The following ARID4B variants were observed in gnomAD, a reference collection of about 807,000 sequenced individuals.
ARID4B encodes AT-rich interactive domain-containing protein 4B.
A neutral mutation model predicts 147.5 loss-of-function variants in ARID4B; 26 were observed. The observed-to-expected ratio is 0.18, with a 90% CI of 0.13 to 0.24. ARID4B has a LOEUF of 0.24. Among genes scored for constraint, ARID4B ranks in the 10% least tolerant of loss-of-function variants. The pLI is 1.00. For missense variants in ARID4B, 1,179 were observed against 1,511.5 expected (o/e 0.78, Z 3.65); for synonymous variants, 512 against 507.9 (o/e 1.01, Z -0.11).
intron 2 of ARID4B, among the ~76,000 whole-genome samples, chr1:235,304,288 C>T (rs532211713): frequency 6.4e-4 from 98 of 152,138 alleles, no homozygotes; most frequent in Non-Finnish European, 1.2e-3. Context: ...GTGGAGGCTG[C>T]AGTGAGCCAA....
At chr1:235,203,789 A>C (rs1311778535) in intron 17 of ARID4B, among the ~76,000 whole-genome samples, 7 of 152,294 alleles carry the variant, frequency 4.6e-5, no homozygotes, top group African/African-American at 1.7e-4. Flanking sequence ...AAAGTATGAC[A>C]AAATAATAGA....
chr1:235,268,794 T>G (rs1461782853), intron 2 of ARID4B, among the ~76,000 whole-genome samples: 2 of 152,162 alleles, frequency 1.3e-5, no homozygotes, highest in East Asian at 3.9e-4. Context: ...TCTAAATAAC[T>G]CTCTCCATTA....
intron 23 of ARID4B, among the ~76,000 whole-genome samples, chr1:235,170,655 G>A (rs544943352): frequency 6.6e-6 from 1 of 151,874 alleles, no homozygotes; most frequent in East Asian, 1.9e-4. Context: ...GGAGAATGGC[G>A]TGAACCCGGG....
intron 17 of ARID4B, among the ~76,000 whole-genome samples, chr1:235,197,539 G>A (rs770533494): frequency 1.8e-4 from 27 of 152,160 alleles, no homozygotes; most frequent in Non-Finnish European, 3.8e-4. Context: ...TTTATATGCT[G>A]GAAGATGCTG....
rs1338489134 is a variant in ARID4B at position 235,168,571 on chromosome 1, G to A, written c.3893C>T (p.Ser1298Leu). ...TCCATTTTGTGATGCGCTGGACATT[G>A]ACGGTTCAGCTAAAGTTAACATAAC... ...AAVMLTLAEP[S>L]MSSASQNGMS... is the part of the protein sequence containing the mutation. Residue 1298 changes from serine (S) to leucine (L), a missense_variant, in exon 24 of 24, where the codon TCA becomes TTA. By Grantham distance (145) the Ser-to-Leu change is moderately radical. This residue lies in a region of ARID4B where 357 missense variants were observed against 427.3 expected (regional missense o/e 0.84). Coordinates refer to ENST00000264183, the MANE Select transcript of ARID4B (RefSeq NM_016374.6). 1 of 1,614,072 alleles carries A rather than the reference G, an allele frequency of 6.2e-7. No homozygotes were observed. The highest frequency in any genetic ancestry group is 1.7e-5 in the Admixed American group (1 of 59,992).
At chr1:235,173,020 A>G (rs542433031) in intron 22 of ARID4B, among the ~76,000 whole-genome samples, 107 of 152,326 alleles carry the variant, frequency 7.0e-4, no homozygotes, top group African/African-American at 2.3e-3. Context: ...ACATCCATAT[A>G]CAGTATTACC....
intron 2 of ARID4B, among the ~76,000 whole-genome samples, chr1:235,320,035 G>T (rs1041318197): frequency 6.6e-6 from 1 of 152,018 alleles, no homozygotes; most frequent in Non-Finnish European, 1.5e-5. Flanking sequence ...GCTGAGGCAG[G>T]AGAATCGCTT....
At chr1:235,219,037 T>C (rs1324194992) in intron 16 of ARID4B, among the ~76,000 whole-genome samples, 1 of 152,022 alleles carries the variant, frequency 6.6e-6, no homozygotes, top group African/African-American at 2.4e-5. Flanking sequence ...GACTTCTTTG[T>C]ATTTTTAGAA....
chr1:235,257,057 T>C (rs958833001), intron 4 of ARID4B, 103 bp downstream of exon 4: 2 of 803,842 alleles, frequency 2.5e-6, no homozygotes. Context: ...AAATTACATA[T>C]TGAATTTATC....
rs181123321 is a variant in ARID4B, at chr1:235,236,201, G to T, written c.586-1709C>A. Among the ~76,000 whole-genome samples the T allele has an allele frequency of 2.0e-5, 3 of 152,098 alleles. No homozygotes were observed. The East Asian group carries it at 5.8e-4, about 29-fold the overall frequency. On this transcript the variant is annotated intron_variant, in intron 8 of 23. Transcript: ENST00000264183. ...TTGTGCGATTATATCAAGATTGGTC[G>T]ATTTAGAACATAATTTTTCACTCTA...
At chr1:235,168,779 T>A in intron 23 of ARID4B, 127 bp from the exon 24 acceptor site, 1 of 973,824 alleles carries the variant, frequency 1.0e-6, no homozygotes, top group Non-Finnish European at 1.5e-6. Context: ...ACAACAACAG[T>A]GGTCAATTCT....
In ARID4B at chr1:235,213,933, G is replaced by A; in HGVS notation, c.1677C>T (p.Asp559=). Residue 559 remains aspartate (D), a synonymous_variant, in exon 17 of 24, where the codon GAC becomes GAT. Transcript: ENST00000264183. ...EEEEEDEDDD[D]NNEEEEFECY... is the part of the protein sequence containing the mutation. Reference sequence around the variant, plus strand: ...ACTCAAACTCCTCTTCCTCATTGTTGTCATCATCATCTTCATCCTCTTCTT... The same window carrying A: ...ACTCAAACTCCTCTTCCTCATTGTTATCATCATCATCTTCATCCTCTTCTT... 6.2e-7 allele frequency: 1 copy of A among 1,612,478 alleles called. No homozygotes were observed. The highest frequency in any genetic ancestry group is 1.1e-5 in the South Asian group (1 of 91,048).
intron 3 of ARID4B, among the ~76,000 whole-genome samples, chr1:235,258,135 A>G (rs1397851386): frequency 1.3e-5 from 2 of 152,146 alleles, no homozygotes; most frequent in Non-Finnish European, 2.9e-5. Context: ...AGATGGGACC[A>G]GCCTGGTTAA....
At chr1:235,283,619 T>C (rs781566518) in intron 2 of ARID4B, among the ~76,000 whole-genome samples, 1 of 152,044 alleles carries the variant, frequency 6.6e-6, no homozygotes, top group Non-Finnish European at 1.5e-5. Context: ...AAATTATTAA[T>C]ATTAAGTACT....
intron 11 of ARID4B, among the ~76,000 whole-genome samples, chr1:235,227,081 T>C (rs10495362): frequency 0.47 from 70,841 of 151,866 alleles, 16,843 homozygotes; most frequent in South Asian, 0.6. Flanking sequence ...GTTCTGAAAA[T>C]TGAACAGGAA....
rs2103022049 is a variant in ARID4B at position 235,219,834 on chromosome 1, G to A, written c.1542C>T (p.Leu514=). The A allele has an allele frequency of 6.2e-7, 1 of 1,601,894 alleles. No homozygotes were observed. Among genetic ancestry groups the A allele is most frequent in the East Asian group, 2.2e-5 (1 of 44,496 alleles). The change falls in exon 16 of 24, where the codon CTC becomes CTT. Residue 514 remains leucine (L), a synonymous_variant. Coordinates refer to ENST00000264183, the MANE Select transcript of ARID4B (RefSeq NM_016374.6). The part of the protein sequence containing the change: ...DDDTTRVDES[L]NIKVEAEEEK... ...CTTCCTCAGCTTCTACCTTTATGTT[G>A]AGGGATTCATCTACCCTAGTTGTGT...
chr1:235,229,511 G>C (rs1558225905), intron 10 of ARID4B, 126 bp from the exon 11 acceptor site: 7 of 690,122 alleles, frequency 1.0e-5, no homozygotes, highest in Non-Finnish European at 1.2e-5. Context: ...TGTTTGCTAT[G>C]TACCAGAAAC....
chr1:235,317,211 A>G (rs1674500648), intron 2 of ARID4B, among the ~76,000 whole-genome samples: 1 of 152,202 alleles, frequency 6.6e-6, no homozygotes. Context: ...TTAATGGTAA[A>G]AGTAGAAGGA....
At position 235,240,305 on chromosome 1, in the gene ARID4B, C is replaced by T. The variant is rs764074835; in HGVS notation, c.585+8G>A. On this transcript the variant is annotated splice_region_variant and intron_variant, in intron 8 of 23. Coordinates refer to ENST00000264183, the MANE Select transcript of ARID4B (RefSeq NM_016374.6). ...GAAATTAAACTCTTGTATACTGAAG[C>T]TACTCACCAATGCAGGAAACCACAG... 47 of 1,606,814 alleles carry T rather than the reference C, an allele frequency of 2.9e-5. No individual in the cohort carries two copies. The highest frequency in any genetic ancestry group is 3.5e-5 in the Non-Finnish European group (41 of 1,177,120).
Sources: allele counts gnomAD v4.1 joint callset (sites outside exome capture counted in the v4.1 genomes callset), GRCh38; gene constraint gnomAD v4.1.1; regional missense constraint gnomAD v4.1.1; transcripts MANE v1.5; gene names NCBI Gene and HGNC (gene_info 2026-07-23, HGNC 2026-07-21).